The following ADCY4 variants were observed in gnomAD, a reference collection of about 807,000 sequenced individuals.
The protein encoded by ADCY4 is adenylate cyclase 4, also known as adenylate cyclase type 4.
A neutral mutation model predicts 125.5 loss-of-function variants in ADCY4; 111 were observed. The ratio of observed to expected loss-of-function variants is 0.88; its 90% confidence interval spans 0.76 to 1.04. The LOEUF (loss-of-function observed/expected upper bound fraction) is 1.04. ADCY4 is among the 50% of genes least tolerant of loss of function. The probability of loss-of-function intolerance (pLI) is 0.00; values close to 1 mark genes in which losing one functional copy is unlikely to be tolerated. For missense variants in ADCY4, 1,256 were observed against 1,382.9 expected, an observed-to-expected ratio of 0.91 and a Z score of 1.46; for synonymous variants, 576 against 586.9, an observed-to-expected ratio of 0.98 and a Z score of 0.27.
chr14:24,332,438 C>G (rs766409797), intron 3 of ADCY4, 84 bp downstream of exon 3: 68 of 1,449,346 alleles, frequency 4.7e-5, no homozygotes, highest in Non-Finnish European at 6.2e-5. Context: ...GACTTGGAGT[C>G]ACAGCTCAAC....
intron 10 of ADCY4, among the ~76,000 whole-genome samples, chr14:24,327,047 C>T (rs762341167): frequency 3.9e-4 from 60 of 151,948 alleles, no homozygotes; most frequent in South Asian, 6.2e-4. Context: ...CAGGCACGCA[C>T]CACCACGCCT....
At chr14:24,334,450 T>C (rs755234225) in intron 1 of ADCY4, 44 bp downstream of exon 1, 1 of 1,522,752 alleles carries the variant, frequency 6.6e-7, no homozygotes, top group Non-Finnish European at 8.7e-7. Flanking sequence ...ACCCCGAAAA[T>C]GCTCCCCAGG....
Position 24,319,404 on chromosome 14 carries a change from C to T in ADCY4, c.2766G>A (p.Glu922=). The change falls in exon 22 of 25, where the codon GAG becomes GAA. Residue 922 remains glutamate (E), a synonymous_variant. Coordinates refer to ENST00000418030, the MANE Select transcript of ADCY4 (RefSeq NM_001198568.2). This position sits in a 1 kb window ranked among gnomAD's most constrained non-coding sequence, Gnocchi z 4.5. ...LLSKPKFSGV[E]KIKTIGSTYM... ...AGGTGCTGCCGATGGTCTTGATCTT[C>T]TCCACCCCACTGAACTTGGGCTTGG... 2 of 1,614,190 alleles carry T rather than the reference C, an allele frequency of 1.2e-6. No individual in the cohort carries two copies. Among genetic ancestry groups the T allele is most frequent in the African/African-American group, 1.3e-5 (1 of 75,040 alleles).
chr14:24,334,219 T>C lies in ADCY4; in HGVS notation c.159+275A>G, dbSNP rs191686802. Among the ~76,000 whole-genome samples, 79 of 152,222 alleles carry C rather than the reference T, an allele frequency of 5.2e-4. No individual in the cohort carries two copies. In the East Asian group the frequency reaches 0.014, roughly 26 times the overall value. Reference sequence around the variant, plus strand: ...TTTGGAAAACTGGAAAATCCGGTGATGGATTTATTGTAGAACCCGTAGACC... The same window carrying C: ...TTTGGAAAACTGGAAAATCCGGTGACGGATTTATTGTAGAACCCGTAGACC... On this transcript the variant is annotated intron_variant, in intron 1 of 24. Coordinates refer to ENST00000418030, the MANE Select transcript of ADCY4 (RefSeq NM_001198568.2).
At chr14:24,333,103 AG>A in intron 1 of ADCY4, 115 bp from the exon 2 acceptor site, 1 of 1,083,114 alleles carries the variant, frequency 9.2e-7, no homozygotes, top group South Asian at 2.1e-5. Context: ...CTCAAGCCTA[AG>A]TACGAAAAGG....
In ADCY4 at chr14:24,331,318, G is replaced by T; in HGVS notation, c.708C>A (p.Ala236=). 2 of 1,614,068 alleles carry T rather than the reference G, an allele frequency of 1.2e-6. No individual in the cohort carries two copies. The highest frequency in any genetic ancestry group is 1.7e-6 in the Non-Finnish European group (2 of 1,180,022). ...LLLSILPAYL[A]REMKAEIMAR... is the part of the protein sequence containing the mutation. ...CCATGATCTCTGCCTTCATCTCTCG[G>T]GCCAGGTAGGCAGGAAGGATGGACA... Residue 236 remains alanine, a synonymous_variant, in exon 5 of 25, where the codon GCC becomes GCA. Coordinates refer to ENST00000418030, the MANE Select transcript of ADCY4 (RefSeq NM_001198568.2).
intron 16 of ADCY4, 41 bp from the exon 17 acceptor site, chr14:24,323,495 T>A: frequency 6.5e-7 from 1 of 1,549,436 alleles, no homozygotes; most frequent in East Asian, 2.4e-5. Flanking sequence ...GGTAGCTTCT[T>A]GGGCACAGTG....
At chr14:24,333,917 G>A (rs1321992942) in intron 1 of ADCY4, among the ~76,000 whole-genome samples, 1 of 152,208 alleles carries the variant, frequency 6.6e-6, no homozygotes, top group Middle Eastern at 3.2e-3. Context: ...CCTCTTCCCG[G>A]ATTTAGGCGT....
At position 24,319,544 on chromosome 14, in the gene ADCY4, G is replaced by A; in HGVS notation, c.2734-108C>T. On this transcript the variant is annotated intron_variant, in intron 21 of 24. Transcript: ENST00000418030. This position sits in a 1 kb window ranked among gnomAD's most constrained non-coding sequence, Gnocchi z 4.5. ...AGTTAAAGGATCAGGCTGTGGGAGT[G>A]GAGATAGTGTCAGGAAGGAGAGGGT... The A allele has an allele frequency of 7.7e-7, 1 of 1,302,162 alleles. No homozygotes were observed. Among genetic ancestry groups the A allele is most frequent in the Non-Finnish European group, 1.1e-6 (1 of 918,498 alleles). 80.7% of individuals were successfully genotyped at this position (1,302,162 alleles called of 1,614,324 possible).
chr14:24,326,571 T>TTCTG, intron 10 of ADCY4: 1 of 276,802 alleles, frequency 3.6e-6, no homozygotes, highest in Non-Finnish European at 6.9e-6. Flanking sequence ...CCCAGGATCT[T>TTCTG]TGTGTGTGTG....
rs371980312 is a variant in ADCY4, at chr14:24,331,964, G to C, written c.520-27C>G. 2.4e-5 allele frequency: 37 copies of C among 1,530,944 alleles called. No homozygotes were observed. In the African/African-American group the frequency reaches 4.9e-4, roughly 20 times the overall value. 94.8% of individuals were successfully genotyped at this position (1,530,944 alleles called of 1,614,324 possible). A position where few individuals can be genotyped will look rare whatever the true frequency, so the allele number is the denominator to read the frequency against. On this transcript the variant is annotated intron_variant, in intron 3 of 24. Transcript: ENST00000418030. ...TGTGGGTGAAGGCCAGCCTCAGAGG[G>C]CGCGGGACCCGGGTGCTTGTCGTGT...
chr14:24,333,272 G>A (rs2054253908), intron 1 of ADCY4, among the ~76,000 whole-genome samples: 1 of 152,196 alleles, frequency 6.6e-6, no homozygotes, highest in South Asian at 2.1e-4. Flanking sequence ...CCAGGCTGGA[G>A]TTCAGTGGCG....
At chr14:24,325,708 A>G in intron 13 of ADCY4, 110 bp downstream of exon 13, 2 of 1,297,150 alleles carry the variant, frequency 1.5e-6, no homozygotes, top group Non-Finnish European at 2.2e-6. Context: ...CCTCACCCCT[A>G]GGATCACAAA....
In ADCY4 at chr14:24,334,572, G is replaced by A. The variant is rs986779078; in HGVS notation, c.81C>T (p.Tyr27=). The A allele has an allele frequency of 3.2e-6, 5 of 1,579,468 alleles. No homozygotes were observed. The highest frequency in any genetic ancestry group is 4.3e-6 in the Non-Finnish European group (5 of 1,165,876). Reference sequence around the variant, plus strand: ...TCCCCAGCAGCAGCAGCAGCAGCGGGTACTGCTGGCTCAGGCTGTAGTAGG... The same window carrying A: ...TCCCCAGCAGCAGCAGCAGCAGCGGATACTGCTGGCTCAGGCTGTAGTAGG... The part of the protein sequence containing the change: ...YETYYSLSQQ[Y]PLLLLLLGIV... The change falls in exon 1 of 25, where the codon TAC becomes TAT. Residue 27 remains tyrosine, a synonymous_variant. Coordinates refer to ENST00000418030, the MANE Select transcript of ADCY4 (RefSeq NM_001198568.2).
chr14:24,319,161 C>T lies in ADCY4; in HGVS notation c.2893G>A (p.Ala965Thr). Reference protein sequence around the residue: ...HLGTMVEFAVALGSKLDVINK... With the variant: ...HLGTMVEFAVTLGSKLDVINK... ...ATGACGTCCAGCTTAGACCCCAGGG[C>T]CACGGCAAATTCCACCATAGTGCCA... Residue 965 changes from alanine (A) to threonine (T), a missense_variant, in exon 23 of 25, where the codon GCC becomes ACC. Ala to Thr is a moderately conservative substitution (Grantham distance 58). Transcript: ENST00000418030. This position sits in a 1 kb window ranked among gnomAD's most constrained non-coding sequence, Gnocchi z 4.5. The T allele has an allele frequency of 6.2e-7, 1 of 1,614,072 alleles. No homozygotes were observed. The highest frequency in any genetic ancestry group is 8.5e-7 in the Non-Finnish European group (1 of 1,180,022).
In ADCY4 at chr14:24,332,677, AG is replaced by A; in HGVS notation, c.363del (p.Tyr122IlefsTer73). On this transcript the variant is annotated frameshift_variant, in exon 3 of 25. Transcript: ENST00000418030. LOFTEE classifies it high-confidence loss of function. ...GCCGTGAAGATGACGAAGAGAAAAT[AG>A]GACACCTGGGGGCGGGGCGCGGGAA... is the stretch of plus-strand genomic sequence containing the variant. ...GGVVSAWDQVSYFLFVIFTAY... is the reference protein window; with the variant it reads ...GGVVSAWDQVXYFLFVIFTAY... 2 of 1,588,048 alleles carry A rather than the reference AG, an allele frequency of 1.3e-6. No homozygotes were observed. Among genetic ancestry groups the A allele is most frequent in the Non-Finnish European group, 1.7e-6 (2 of 1,167,312 alleles).
At chr14:24,333,362 A>T (rs1186309643) in intron 1 of ADCY4, among the ~76,000 whole-genome samples, 2 of 151,014 alleles carry the variant, frequency 1.3e-5, no homozygotes, top group Non-Finnish European at 2.9e-5. Flanking sequence ...CTGGGATTAC[A>T]GGCTCCCGCC....
chr14:24,330,850 C>T (rs2042029994), intron 6 of ADCY4, 168 bp downstream of exon 6: 1 of 623,078 alleles, frequency 1.6e-6, no homozygotes, highest in Non-Finnish European at 2.8e-6. Flanking sequence ...TGAGCAGCTT[C>T]ATGACTGGGA....
In ADCY4 at chr14:24,331,134, AT is replaced by A; in HGVS notation, c.819-6del. 6.2e-7 allele frequency: 1 copy of A among 1,613,320 alleles called. No individual in the cohort carries two copies. The highest frequency in any genetic ancestry group is 8.5e-7 in the Non-Finnish European group (1 of 1,179,342). On this transcript the variant is annotated splice_polypyrimidine_tract_variant and splice_region_variant and intron_variant, in intron 5 of 24. Coordinates refer to ENST00000418030, the MANE Select transcript of ADCY4 (RefSeq NM_001198568.2). ...ACGATGTCAGCATACAGCACGCTGC[AT>A]AGGGCAGACTGTGTCAGCAGGGCCA...
Sources: gnomAD v4.1 joint callset for allele counts (sites outside exome capture counted in the v4.1 genomes callset) on GRCh38, gnomAD v4.1.1 for gene constraint, Gnocchi (gnomAD v3.1) non-coding constraint, MANE v1.5 for transcripts, NCBI Gene and HGNC (gene_info 2026-07-23, HGNC 2026-07-21) for gene names.